The following LSAMP variants were observed in gnomAD, a reference collection of about 807,000 sequenced individuals.
The protein encoded by LSAMP is limbic system-associated membrane protein.
LSAMP carries 7 observed loss-of-function variants against 38.6 expected under a neutral mutation model. The ratio of observed to expected loss-of-function variants is 0.18; its 90% CI spans 0.10 to 0.34. The LOEUF (loss-of-function observed/expected upper bound fraction) is 0.34, where lower values mean the gene tolerates loss of function less well. LSAMP is among the 10% of genes least tolerant of loss of function. The pLI, the probability that LSAMP is intolerant of heterozygous loss-of-function variation, is 1.00. For missense variants in LSAMP, 313 were observed against 420.0 expected (o/e 0.75, Z 2.23); for synonymous variants, 154 against 166.8 (o/e 0.92, Z 0.59).
chr3:116,320,445 A>G lies in LSAMP; in HGVS notation c.155+124432T>C, dbSNP rs182270818. Reference sequence around the variant, plus strand: ...AATAATAGTAATAATAATAATAATAATACCAGTTAAACTTCCCTCCATTTC... The same window carrying G: ...AATAATAGTAATAATAATAATAATAGTACCAGTTAAACTTCCCTCCATTTC... On this transcript the variant is annotated intron_variant, in intron 1 of 6. Coordinates refer to ENST00000490035, the MANE Select transcript of LSAMP (RefSeq NM_002338.5). Among the ~76,000 whole-genome samples, 397 of 151,994 alleles carry G rather than the reference A, an allele frequency of 2.6e-3. 1 individual carries two copies. The highest frequency in any genetic ancestry group is 4.7e-3 in the Non-Finnish European group (321 of 67,966).
At chr3:116,338,456 A>G (rs542662289) in intron 1 of LSAMP, among the ~76,000 whole-genome samples, 2 of 152,214 alleles carry the variant, frequency 1.3e-5, no homozygotes, top group Non-Finnish European at 2.9e-5. Context: ...AGTAGTAGAC[A>G]TCTCCACATA....
At chr3:116,225,997 T>C (rs903897973) in intron 1 of LSAMP, among the ~76,000 whole-genome samples, 1 of 152,226 alleles carries the variant, frequency 6.6e-6, no homozygotes, top group African/African-American at 2.4e-5. Flanking sequence ...TTCTGTCTGC[T>C]TTTCAAAATC....
chr3:116,199,978 T>TGA (rs2045968143), intron 1 of LSAMP, among the ~76,000 whole-genome samples: 4 of 152,056 alleles, frequency 2.6e-5, no homozygotes, highest in Admixed American at 2.0e-4. Flanking sequence ...TATTTGCAGG[T>TGA]GAGGTAAACT....
chr3:116,304,827 A>G (rs2047460841), intron 1 of LSAMP, among the ~76,000 whole-genome samples: 1 of 152,040 alleles, frequency 6.6e-6, no homozygotes, highest in African/African-American at 2.4e-5. Flanking sequence ...ATTGAACAGA[A>G]ATTTATGCCA....
chr3:116,304,929 A>G (rs1421469068), intron 1 of LSAMP, among the ~76,000 whole-genome samples: 1 of 152,172 alleles, frequency 6.6e-6, no homozygotes, highest in Admixed American at 6.6e-5. Context: ...CTCATGGAAG[A>G]AAAGGACGAA....
intron 3 of LSAMP, among the ~76,000 whole-genome samples, chr3:115,862,015 G>C (rs1935719266): frequency 1.3e-5 from 2 of 152,200 alleles, no homozygotes; most frequent in South Asian, 4.1e-4. Flanking sequence ...ATACTTAAAA[G>C]AGTCCTTTGG....
intron 2 of LSAMP, among the ~76,000 whole-genome samples, chr3:116,073,082 T>A (rs1157513477): frequency 6.6e-6 from 1 of 152,226 alleles, no homozygotes; most frequent in Non-Finnish European, 1.5e-5. Flanking sequence ...TTAATTTTTT[T>A]ATAAACTTTA....
intron 3 of LSAMP, among the ~76,000 whole-genome samples, chr3:115,930,037 A>G (rs1424637089): frequency 8.8e-6 from 1 of 113,028 alleles, no homozygotes; most frequent in Non-Finnish European, 1.8e-5. Flanking sequence ...GACACAGCAG[A>G]TAGGTCTTGT....
At chr3:116,112,566 T>A (rs186849551) in intron 1 of LSAMP, among the ~76,000 whole-genome samples, 3 of 152,356 alleles carry the variant, frequency 2.0e-5, no homozygotes, top group South Asian at 2.1e-4. Context: ...AGTATTTTAA[T>A]AGATGGCTCT....
intron 1 of LSAMP, among the ~76,000 whole-genome samples, chr3:116,403,074 G>A (rs532022161): frequency 1.3e-5 from 2 of 152,214 alleles, no homozygotes; most frequent in South Asian, 4.1e-4. Context: ...GAGAGGTCAT[G>A]AAATCTAAAC....
rs953886760 is a variant in LSAMP at position 116,427,645 on chromosome 3, C to T, written c.155+17232G>A. 2.0e-5 allele frequency among the ~76,000 whole-genome samples: 3 copies of T among 152,156 alleles called. No individual in the cohort carries two copies. The East Asian group carries it at 5.8e-4, about 29-fold the overall frequency. The stretch of plus-strand genomic sequence containing the variant: ...TTCTCTTAAAAAAATAAATACAAAA[C>T]GATAAATTAAAAATAAGAGCTATTT... On this transcript the variant is annotated intron_variant, in intron 1 of 6. Transcript: ENST00000490035.
chr3:115,969,297 T>C (rs1463180217), intron 3 of LSAMP, among the ~76,000 whole-genome samples: 1 of 152,184 alleles, frequency 6.6e-6, no homozygotes, highest in Non-Finnish European at 1.5e-5. Flanking sequence ...AAGTATTCTT[T>C]TGAATGTACG....
chr3:116,172,849 ATTG>A (rs1362829912), intron 1 of LSAMP, among the ~76,000 whole-genome samples: 1 of 151,952 alleles, frequency 6.6e-6, no homozygotes, highest in African/African-American at 2.4e-5. Flanking sequence ...TTATATTGGC[ATTG>A]TTGAGTGAAG....
intron 2 of LSAMP, among the ~76,000 whole-genome samples, chr3:116,081,675 A>C (rs771838688): frequency 3.9e-5 from 6 of 152,152 alleles, no homozygotes; most frequent in Non-Finnish European, 7.4e-5. Flanking sequence ...TCACAATTAT[A>C]TTATTTTATA....
chr3:116,190,740 A>G (rs1400772232), intron 1 of LSAMP, among the ~76,000 whole-genome samples: 1 of 152,156 alleles, frequency 6.6e-6, no homozygotes, highest in Non-Finnish European at 1.5e-5. Context: ...ATCCTCTTTC[A>G]GTTGGTGCTA....
At chr3:115,871,608 T>C (rs1172673996) in intron 3 of LSAMP, among the ~76,000 whole-genome samples, 38 of 145,098 alleles carry the variant, frequency 2.6e-4, no homozygotes, top group African/African-American at 1.0e-3. Context: ...TGTGTGTGTG[T>C]GTGTGTGTGT....
chr3:116,137,402 T>C (rs1369005101), intron 1 of LSAMP, among the ~76,000 whole-genome samples: 1 of 152,142 alleles, frequency 6.6e-6, no homozygotes. Flanking sequence ...ATACTGAGTT[T>C]TATTTTAACA....
intron 1 of LSAMP, among the ~76,000 whole-genome samples, chr3:116,238,183 C>T (rs2046489008): frequency 6.6e-6 from 1 of 152,130 alleles, no homozygotes; most frequent in Non-Finnish European, 1.5e-5. Context: ...CATAGGATCC[C>T]CGTATTTATC....
At chr3:116,413,032 G>A (rs1303830218) in intron 1 of LSAMP, among the ~76,000 whole-genome samples, 1 of 151,976 alleles carries the variant, frequency 6.6e-6, no homozygotes, top group Non-Finnish European at 1.5e-5. Context: ...GACTTCACCT[G>A]GGAACTTGTT....
Sources: allele counts gnomAD v4.1 joint callset (sites outside exome capture counted in the v4.1 genomes callset), GRCh38; gene constraint gnomAD v4.1.1; transcripts MANE v1.5; gene names NCBI Gene and HGNC (gene_info 2026-07-23, HGNC 2026-07-21).